Variants in SMOC2 observed in about 807,000 individuals in gnomAD.
The protein encoded by SMOC2 is SPARC related modular calcium binding 2.
SMOC2 carries 39 observed loss-of-function variants against 61.4 expected under a neutral mutation model. That is an observed-to-expected ratio of 0.64 (90% CI 0.49 to 0.83). The LOEUF (loss-of-function observed/expected upper bound fraction) is 0.83. Ranked by LOEUF, SMOC2 falls within the 40% of genes least tolerant of loss-of-function variation. The pLI, the probability that SMOC2 is intolerant of heterozygous loss-of-function variation, is 0.00. For missense variants in SMOC2, 556 were observed against 592.9 expected (o/e 0.94, Z 0.65); for synonymous variants, 247 against 239.9 (o/e 1.03, Z -0.27).
Position 168,547,154 on chromosome 6 carries a change from C to A in SMOC2, c.547C>A (p.Gln183Lys). ...AAAPALETQP[Q>K]GDEEDIASRY... ...AGCTCCAGCGTTGGAGACTCAGCCTCAAGGAGATGAAGAAGGTGAGCCGGG... is the reference window on the plus strand; with the variant it reads ...AGCTCCAGCGTTGGAGACTCAGCCTAAAGGAGATGAAGAAGGTGAGCCGGG... Residue 183 changes from glutamine (Q) to lysine (K), a missense_variant, in exon 6 of 13, where the codon CAA (glutamine) becomes AAA (lysine). Gln to Lys is a moderately conservative substitution (Grantham distance 53). Coordinates refer to ENST00000356284, the MANE Select transcript of SMOC2 (RefSeq NM_001166412.2). 1 of 1,613,968 alleles carries A rather than the reference C, an allele frequency of 6.2e-7. No individual in the cohort carries two copies. The highest frequency in any genetic ancestry group is 8.5e-7 in the Non-Finnish European group (1 of 1,180,010).
intron 9 of SMOC2, among the ~76,000 whole-genome samples, chr6:168,612,907 A>G (rs946539059): frequency 6.6e-6 from 1 of 152,168 alleles, no homozygotes; most frequent in African/African-American, 2.4e-5. Flanking sequence ...AAAACTTACA[A>G]TGGAGACTTT....
intron 8 of SMOC2, among the ~76,000 whole-genome samples, chr6:168,603,751 A>G (rs1383121512): frequency 1.3e-5 from 2 of 150,890 alleles, no homozygotes; most frequent in African/African-American, 4.9e-5. Flanking sequence ...GGGACTTGGG[A>G]TGGGGCACAG....
chr6:168,598,035 T>C (rs932183108), intron 7 of SMOC2, among the ~76,000 whole-genome samples: 4 of 152,270 alleles, frequency 2.6e-5, no homozygotes, highest in African/African-American at 9.6e-5. Flanking sequence ...TTTATTTGCA[T>C]GTGAGTGAGT....
chr6:168,524,845 C>G (rs774864712), intron 2 of SMOC2, among the ~76,000 whole-genome samples: 1 of 152,246 alleles, frequency 6.6e-6, no homozygotes, highest in East Asian at 1.9e-4. Context: ...AGCATGTGGC[C>G]GGTGGTTCTG....
intron 7 of SMOC2, among the ~76,000 whole-genome samples, chr6:168,554,829 T>A (rs1236441165): frequency 6.6e-6 from 1 of 152,182 alleles, no homozygotes; most frequent in East Asian, 1.9e-4. Flanking sequence ...CCAACTACAT[T>A]CTGTGTTTTG....
chr6:168,476,480 G>T (rs1260467219), intron 1 of SMOC2, among the ~76,000 whole-genome samples: 2 of 134,448 alleles, frequency 1.5e-5, no homozygotes, highest in Non-Finnish European at 3.0e-5. Flanking sequence ...GTGTGTGTGT[G>T]TATGTGTGTG....
Position 168,608,148 on chromosome 6 carries a change from C to A in SMOC2, c.825-9C>A. On this transcript the variant is annotated splice_polypyrimidine_tract_variant and intron_variant, in intron 8 of 12. Coordinates refer to ENST00000356284, the MANE Select transcript of SMOC2 (RefSeq NM_001166412.2). The stretch of plus-strand genomic sequence containing the variant: ...CTCTCTCCTTCCCCCGCCTTCCCCC[C>A]GCCCATAGGTACGAGCAGCCGAAAT... The A allele has an allele frequency of 6.2e-7, 1 of 1,610,300 alleles. No homozygotes were observed. Among genetic ancestry groups the A allele is most frequent in the Non-Finnish European group, 8.5e-7 (1 of 1,177,740 alleles).
intron 1 of SMOC2, among the ~76,000 whole-genome samples, chr6:168,479,760 A>G (rs748422354): frequency 6.6e-6 from 1 of 150,892 alleles, no homozygotes; most frequent in Non-Finnish European, 1.5e-5. Flanking sequence ...TGTTGATAAC[A>G]GGGGTGCAGA....
intron 7 of SMOC2, among the ~76,000 whole-genome samples, chr6:168,557,958 C>A (rs536439333): frequency 6.6e-6 from 1 of 152,192 alleles, no homozygotes; most frequent in Non-Finnish European, 1.5e-5. Flanking sequence ...TCCTGCGGCC[C>A]GCAGATTGAC....
intron 7 of SMOC2, among the ~76,000 whole-genome samples, chr6:168,564,129 CGTATGT>C (rs1784488394): frequency 6.6e-6 from 1 of 152,142 alleles, no homozygotes. Flanking sequence ...TCCCAAATTA[CGTATGT>C]GTATAAGACA....
intron 1 of SMOC2, among the ~76,000 whole-genome samples, chr6:168,502,778 T>C (rs1366434293): frequency 2.0e-5 from 3 of 151,388 alleles, no homozygotes; most frequent in African/African-American, 7.3e-5. Context: ...TTAATTTATG[T>C]TATTTTGAGA....
chr6:168,470,383 C>T (rs1288912719), intron 1 of SMOC2, among the ~76,000 whole-genome samples: 4 of 152,162 alleles, frequency 2.6e-5, no homozygotes, highest in Non-Finnish European at 5.9e-5. Flanking sequence ...AATTTTTAAA[C>T]TGGGTCTCCT....
At chr6:168,625,067 C>G (rs1388816954) in intron 9 of SMOC2, among the ~76,000 whole-genome samples, 5 of 152,208 alleles carry the variant, frequency 3.3e-5, no homozygotes, top group African/African-American at 1.2e-4. Flanking sequence ...GACCCTGCCC[C>G]CTGGACACTG....
intron 11 of SMOC2, among the ~76,000 whole-genome samples, chr6:168,659,630 G>A (rs201047096): frequency 1.9e-5 from 2 of 104,346 alleles, no homozygotes; most frequent in Non-Finnish European, 4.0e-5. Flanking sequence ...GAGTGAGGGT[G>A]GAGGTTGTAG....
At chr6:168,515,486 T>C (rs1040220775) in intron 2 of SMOC2, among the ~76,000 whole-genome samples, 1 of 152,238 alleles carries the variant, frequency 6.6e-6, no homozygotes, top group Non-Finnish European at 1.5e-5. Flanking sequence ...CAGTTAAGTC[T>C]GTTCCCTGCT....
chr6:168,469,350 C>T (rs914595944), intron 1 of SMOC2, among the ~76,000 whole-genome samples: 1 of 152,280 alleles, frequency 6.6e-6, no homozygotes, highest in African/African-American at 2.4e-5. Context: ...GCAGTGCTTT[C>T]GCCCGAGGAA....
At chr6:168,595,083 G>A (rs1218201466) in intron 7 of SMOC2, among the ~76,000 whole-genome samples, 17 of 147,132 alleles carry the variant, frequency 1.2e-4, no homozygotes, top group African/African-American at 4.4e-4. Flanking sequence ...CCTCCTTCCT[G>A]AGGCCTCACG....
chr6:168,532,216 G>T (rs1036573907), intron 4 of SMOC2, among the ~76,000 whole-genome samples: 4 of 152,066 alleles, frequency 2.6e-5, no homozygotes, highest in Admixed American at 6.5e-5. Flanking sequence ...GACCTGTGGG[G>T]TCTGTAGATG....
intron 9 of SMOC2, among the ~76,000 whole-genome samples, chr6:168,611,720 G>A (rs1002083493): frequency 4.0e-5 from 6 of 150,210 alleles, no homozygotes; most frequent in African/African-American, 4.9e-5. Flanking sequence ...CGTGGCTCCC[G>A]TGTCGGGCCT....
Sources: gnomAD v4.1 joint callset for allele counts (sites outside exome capture counted in the v4.1 genomes callset) on GRCh38, gnomAD v4.1.1 for gene constraint, MANE v1.5 for transcripts, NCBI Gene and HGNC (gene_info 2026-07-23, HGNC 2026-07-21) for gene names.